UBE2N: variants seen among roughly 807,000 people sequenced by gnomAD.
UBE2N encodes ubiquitin-conjugating enzyme E2 N.
For synonymous variants in UBE2N, 70 were observed against 69.2 expected, an observed-to-expected ratio of 1.01 and a Z score of -0.06; for missense variants, 60 against 192.1, an observed-to-expected ratio of 0.31 and a Z score of 4.07.
intron 1 of UBE2N, among the ~76,000 whole-genome samples, chr12:93,432,968 T>C (rs1185143470): frequency 6.7e-6 from 1 of 148,438 alleles, no homozygotes; most frequent in East Asian, 2.0e-4. Context: ...TCTTGCTCTG[T>C]TGCCCAGGCT....
At chr12:93,431,224 G>A (rs1399077121) in intron 1 of UBE2N, among the ~76,000 whole-genome samples, 1 of 151,834 alleles carries the variant, frequency 6.6e-6, no homozygotes, top group Non-Finnish European at 1.5e-5. Flanking sequence ...GCAAAACTCC[G>A]TCTCAAAAAA....
At chr12:93,440,283 A>G (rs1302845070) in intron 1 of UBE2N, among the ~76,000 whole-genome samples, 2 of 152,176 alleles carry the variant, frequency 1.3e-5, no homozygotes, top group African/African-American at 4.8e-5. Context: ...CATTATAACT[A>G]AAACCACGTT....
chr12:93,441,887 T>C lies in UBE2N; in HGVS notation c.-3A>G, dbSNP rs778625303. 1 of 1,578,472 alleles carries C rather than the reference T, an allele frequency of 6.3e-7. No individual in the cohort carries two copies. The highest frequency in any genetic ancestry group is 1.8e-5 in the Admixed American group (1 of 55,412). On this transcript the variant is annotated 5_prime_UTR_variant, in exon 1 of 4. Transcript: ENST00000318066. ...ATCCTGCGGGGCAGCCCGGCCATCT[T>C]GTCAGAACCCGAGTTCGGCCTCTGG... is the stretch of plus-strand genomic sequence containing the variant.
intron 1 of UBE2N, among the ~76,000 whole-genome samples, chr12:93,424,735 G>A (rs1878526656): frequency 1.3e-5 from 2 of 152,188 alleles, no homozygotes; most frequent in African/African-American, 2.4e-5. Context: ...CAATTTAGCA[G>A]TTGCAAAGAT....
intron 1 of UBE2N, chr12:93,441,150 A>G (rs914362890): frequency 1.3e-5 from 2 of 152,362 alleles, no homozygotes; most frequent in Admixed American, 6.5e-5. Flanking sequence ...CAACCAGAGT[A>G]AAATCACTTC....
chr12:93,434,477 C>T (rs372706037), intron 1 of UBE2N, among the ~76,000 whole-genome samples: 1 of 152,350 alleles, frequency 6.6e-6, no homozygotes, highest in East Asian at 1.9e-4. Flanking sequence ...ACTAAAGGAA[C>T]TGCTTGACAC....
intron 1 of UBE2N, among the ~76,000 whole-genome samples, chr12:93,425,871 A>C (rs1473377564): frequency 6.6e-6 from 1 of 152,240 alleles, no homozygotes; most frequent in Non-Finnish European, 1.5e-5. Flanking sequence ...CCCTCTAGGC[A>C]GCTTCAACAA....
Position 93,406,360 on chromosome 12 carries a change from C to T in UBE2N, c.*3679G>A, listed in dbSNP as rs372449211. ...GGCCTATTCCTATCATTTCCTCGAT[C>T]CAATTTAGTTCCACTTAGGTCACTG... On this transcript the variant is annotated 3_prime_UTR_variant, in exon 4 of 4. Coordinates refer to ENST00000318066, the MANE Select transcript of UBE2N (RefSeq NM_003348.4). 6.7e-6 allele frequency: 1 copy of T among 148,800 alleles called. No homozygotes were observed. The highest frequency in any genetic ancestry group is 2.0e-4 in the East Asian group (1 of 4,992). 9.2% of individuals were successfully genotyped at this position (148,800 alleles called of 1,614,324 possible). A position where few individuals can be genotyped will look rare whatever the true frequency, so the allele number is the denominator to read the frequency against.
chr12:93,411,495 G>A (rs1245448468), intron 1 of UBE2N, among the ~76,000 whole-genome samples, 196 bp from the exon 2 acceptor site: 1 of 152,090 alleles, frequency 6.6e-6, no homozygotes. Flanking sequence ...AACTGCAAGC[G>A]AATACTAATG....
chr12:93,416,206 T>C (rs994096516), intron 1 of UBE2N, among the ~76,000 whole-genome samples: 3 of 152,122 alleles, frequency 2.0e-5, no homozygotes, highest in African/African-American at 7.2e-5. Context: ...AAATCCAAAC[T>C]AAATGAAACA....
chr12:93,422,635 T>TA (rs933347185), intron 1 of UBE2N, among the ~76,000 whole-genome samples: 2 of 152,208 alleles, frequency 1.3e-5, no homozygotes, highest in African/African-American at 4.8e-5. Context: ...TGGTGAACAC[T>TA]AAAATAATAA....
chr12:93,436,557 T>C (rs768869182), intron 1 of UBE2N, among the ~76,000 whole-genome samples: 14 of 152,246 alleles, frequency 9.2e-5, no homozygotes, highest in Non-Finnish European at 1.8e-4. Flanking sequence ...GACAGGATTA[T>C]GCAGAACCTC....
intron 2 of UBE2N, 22 bp downstream of exon 2, chr12:93,411,031 T>C (rs1171792427): frequency 1.2e-6 from 2 of 1,614,052 alleles, no homozygotes; most frequent in East Asian, 2.2e-5. Context: ...TAATAGCATA[T>C]GCTGATAAAG....
chr12:93,423,715 T>C, intron 1 of UBE2N, among the ~76,000 whole-genome samples: 1 of 152,206 alleles, frequency 6.6e-6, no homozygotes, highest in East Asian at 1.9e-4. Flanking sequence ...AGGTTCTCTA[T>C]AGCACCAAAA....
chr12:93,438,437 A>G (rs1879001959), intron 1 of UBE2N, among the ~76,000 whole-genome samples: 1 of 152,214 alleles, frequency 6.6e-6, no homozygotes, highest in African/African-American at 2.4e-5. Flanking sequence ...AAGTCCTGTG[A>G]CTGGAATAAG....
chr12:93,414,997 G>T (rs190994934), intron 1 of UBE2N, among the ~76,000 whole-genome samples: 1 of 152,084 alleles, frequency 6.6e-6, no homozygotes, highest in Non-Finnish European at 1.5e-5. Flanking sequence ...GGAAATAAAC[G>T]ATCAGAATTT....
At chr12:93,427,288 T>C (rs1878624865) in intron 1 of UBE2N, among the ~76,000 whole-genome samples, 2 of 152,218 alleles carry the variant, frequency 1.3e-5, no homozygotes, top group South Asian at 2.1e-4. Flanking sequence ...TCTAAAGCAA[T>C]GCAGGCTTCA....
At chr12:93,410,561 G>A in intron 3 of UBE2N, 173 bp downstream of exon 3, 1 of 893,572 alleles carries the variant, frequency 1.1e-6, no homozygotes, top group South Asian at 1.8e-5. Flanking sequence ...TTTATATTTG[G>A]GGGGTCCCAT....
rs1243444310 is a variant in UBE2N, at chr12:93,409,337, TAAACTGTACAAAGGC to T, written c.*687_*701del. The stretch of plus-strand genomic sequence containing the variant: ...GGAAAATGAAATAAACACAGTAAAA[TAAACTGTACAAAGGC>T]AAAGTAGAATAACAAAAAATATTTT... On this transcript the variant is annotated 3_prime_UTR_variant, in exon 4 of 4. Transcript: ENST00000318066. The T allele has an allele frequency of 6.2e-6, 1 of 160,694 alleles. No individual in the cohort carries two copies. The highest frequency in any genetic ancestry group is 1.9e-4 in the East Asian group (1 of 5,202). The allele number at this position is 160,694 out of a possible 1,614,324, so 10.0% of individuals were successfully genotyped here.
Sources: allele counts gnomAD v4.1 joint callset (sites outside exome capture counted in the v4.1 genomes callset), GRCh38; gene constraint gnomAD v4.1.1; transcripts MANE v1.5; gene names NCBI Gene and HGNC (gene_info 2026-07-23, HGNC 2026-07-21).